Variants in LRRC7 observed in about 807,000 individuals in gnomAD.
The protein encoded by LRRC7 is leucine-rich repeat-containing protein 7.
Under a neutral mutation model 175.7 loss-of-function variants are expected in LRRC7, and 23 were observed. That is an observed-to-expected ratio of 0.13 (90% CI 0.09 to 0.19). The LOEUF is 0.19. Ranked by LOEUF, LRRC7 falls within the 10% of genes least tolerant of loss-of-function variation. The probability of loss-of-function intolerance (pLI) is 1.00; values close to 1 mark genes in which losing one functional copy is unlikely to be tolerated. For missense variants in LRRC7, 1,354 were observed against 1,904.7 expected (o/e 0.71, Z 5.38); for synonymous variants, 685 against 680.9 (o/e 1.01, Z -0.09).
chr1:69,943,210 C>T (rs932858675), intron 8 of LRRC7, among the ~76,000 whole-genome samples: 1 of 152,088 alleles, frequency 6.6e-6, no homozygotes, highest in African/African-American at 2.4e-5. Context: ...AAATGTCCAT[C>T]ACCTGTTGAA....
intron 7 of LRRC7, among the ~76,000 whole-genome samples, chr1:69,924,608 A>G (rs567909624): frequency 3.9e-5 from 6 of 152,054 alleles, no homozygotes; most frequent in South Asian, 2.1e-4. Context: ...TTTGTCTGTT[A>G]TTGGTGTATA....
chr1:70,024,939 T>C (rs1480559592), intron 17 of LRRC7, among the ~76,000 whole-genome samples: 1 of 152,074 alleles, frequency 6.6e-6, no homozygotes, highest in Non-Finnish European at 1.5e-5. Context: ...TTTAAAAAAA[T>C]AGAAATTATT....
chr1:69,696,669 G>T (rs1291615721), intron 2 of LRRC7, among the ~76,000 whole-genome samples: 2 of 152,136 alleles, frequency 1.3e-5, no homozygotes, highest in African/African-American at 4.8e-5. Flanking sequence ...TTAGGTCATG[G>T]GGCAGATTCC....
At chr1:69,964,053 T>C (rs1183728150) in intron 8 of LRRC7, among the ~76,000 whole-genome samples, 2 of 152,194 alleles carry the variant, frequency 1.3e-5, no homozygotes, top group South Asian at 2.1e-4. Flanking sequence ...ACTTGTAATT[T>C]TTCCCCAGAA....
intron 20 of LRRC7, among the ~76,000 whole-genome samples, chr1:70,037,151 G>C (rs1298503045): frequency 6.6e-6 from 1 of 152,068 alleles, no homozygotes; most frequent in Non-Finnish European, 1.5e-5. Context: ...ACCACACACA[G>C]AGCACAATAA....
chr1:69,650,300 G>A (rs947640499), intron 1 of LRRC7, among the ~76,000 whole-genome samples: 1 of 151,852 alleles, frequency 6.6e-6, no homozygotes, highest in Non-Finnish European at 1.5e-5. Context: ...CAGCACTTTG[G>A]GATGCCAGGA....
In LRRC7 at chr1:69,888,266, C is replaced by T. The variant is rs373946397; in HGVS notation, c.648-43241C>T. ...CTCAGACTGCTGTGCTAGCAATCAG[C>T]GAGACTCTGTGGGCGTAGGACCCTC... On this transcript the variant is annotated intron_variant, in intron 7 of 26. Coordinates refer to ENST00000651989, the MANE Select transcript of LRRC7 (RefSeq NM_001370785.2). 2.3e-4 allele frequency among the ~76,000 whole-genome samples: 35 copies of T among 152,252 alleles called. 1 individual carries two copies. The highest frequency in any genetic ancestry group is 1.9e-3 in the East Asian group (10 of 5,170).
chr1:69,785,095 T>C (rs1046010849), intron 3 of LRRC7, among the ~76,000 whole-genome samples: 1 of 152,166 alleles, frequency 6.6e-6, no homozygotes, highest in Non-Finnish European at 1.5e-5. Context: ...AGTTCTTCTA[T>C]AGCTTTTTGT....
chr1:70,021,283 T>G (rs1051862818), intron 16 of LRRC7, 154 bp downstream of exon 16: 2 of 675,654 alleles, frequency 3.0e-6, no homozygotes, highest in African/African-American at 3.7e-5. Flanking sequence ...CTGGAAGCAT[T>G]GGTGTGCTTC....
At chr1:69,778,476 A>G (rs1279271643) in intron 3 of LRRC7, among the ~76,000 whole-genome samples, 2 of 152,220 alleles carry the variant, frequency 1.3e-5, no homozygotes. Flanking sequence ...ACAGTGGGTT[A>G]TAGAAATATA....
intron 1 of LRRC7, among the ~76,000 whole-genome samples, chr1:69,643,008 A>G (rs943969949): frequency 6.6e-6 from 1 of 152,088 alleles, no homozygotes; most frequent in Non-Finnish European, 1.5e-5. Flanking sequence ...AGCTGATGGT[A>G]TAACTCTCAG....
intron 4 of LRRC7, among the ~76,000 whole-genome samples, chr1:69,820,821 T>C (rs1557772053): frequency 6.6e-6 from 1 of 152,178 alleles, no homozygotes; most frequent in Non-Finnish European, 1.5e-5. Flanking sequence ...GCAATAGACA[T>C]AGATGTGCAT....
rs969367473 is a variant in LRRC7, at chr1:70,129,206, C to T, written c.*7319C>T. Among the ~76,000 whole-genome samples the T allele has an allele frequency of 2.7e-5, 4 of 150,790 alleles. No homozygotes were observed. Among genetic ancestry groups the T allele is most frequent in the African/African-American group, 9.8e-5 (4 of 40,866 alleles). On this transcript the variant is annotated 3_prime_UTR_variant, in exon 27 of 27. Coordinates refer to ENST00000651989, the MANE Select transcript of LRRC7 (RefSeq NM_001370785.2). ...AGGTTGCAGTGAGCTGAGATGGCGC[C>T]ACAGCTCTCCAGCCTGGGTGACAGA...
intron 3 of LRRC7, among the ~76,000 whole-genome samples, chr1:69,786,770 C>T (rs779137663): frequency 1.3e-4 from 20 of 152,114 alleles, no homozygotes; most frequent in Non-Finnish European, 2.2e-4. Context: ...TCTAACAACA[C>T]GTGGGAATTA....
At chr1:69,920,447 T>G (rs1646857003) in intron 7 of LRRC7, 1 of 152,186 alleles carries the variant, frequency 6.6e-6, no homozygotes, top group South Asian at 2.1e-4. Context: ...AACACTATTA[T>G]ACAAGGGATT....
At chr1:70,032,566 C>T (rs1450897043) in intron 18 of LRRC7, among the ~76,000 whole-genome samples, 1 of 152,122 alleles carries the variant, frequency 6.6e-6, no homozygotes, top group Non-Finnish European at 1.5e-5. Context: ...AAGTAACTAC[C>T]AAGATACCTG....
chr1:69,997,522 A>T (rs1488424143), intron 11 of LRRC7, among the ~76,000 whole-genome samples: 1 of 152,086 alleles, frequency 6.6e-6, no homozygotes, highest in African/African-American at 2.4e-5. Flanking sequence ...ATTCAGTATG[A>T]TATTGGCTGT....
intron 7 of LRRC7, among the ~76,000 whole-genome samples, chr1:69,888,193 A>C (rs1645710766): frequency 6.6e-6 from 1 of 151,752 alleles, no homozygotes; most frequent in Non-Finnish European, 1.5e-5. Context: ...AAGCCTGGGC[A>C]ATGGCGGTCG....
Position 69,971,637 on chromosome 1 carries a change from G to C in LRRC7, c.712-8742G>C, listed in dbSNP as rs558519767. Among the ~76,000 whole-genome samples the C allele has an allele frequency of 5.3e-5, 8 of 152,136 alleles. No homozygotes were observed. The East Asian group carries it at 1.5e-3, about 29-fold the overall frequency. On this transcript the variant is annotated intron_variant, in intron 8 of 26. Coordinates refer to ENST00000651989, the MANE Select transcript of LRRC7 (RefSeq NM_001370785.2). ...AAATCATAGATGACACAAACTAGTGGAAACACATCCCATGTTCATGGATGG... is the reference window on the plus strand; with the variant it reads ...AAATCATAGATGACACAAACTAGTGCAAACACATCCCATGTTCATGGATGG...
Sources: gnomAD v4.1 joint callset for allele counts (sites outside exome capture counted in the v4.1 genomes callset) on GRCh38, gnomAD v4.1.1 for gene constraint, MANE v1.5 for transcripts, NCBI Gene and HGNC (gene_info 2026-07-23, HGNC 2026-07-21) for gene names.